Variants in KCTD16 observed in about 807,000 individuals in gnomAD.
The protein encoded by KCTD16 is BTB/POZ domain-containing protein KCTD16.
KCTD16 carries 13 observed loss-of-function variants against 33.2 expected under a neutral mutation model. The observed-to-expected ratio is 0.39, with a 90% CI of 0.25 to 0.62. The LOEUF is 0.62. Ranked by LOEUF, KCTD16 falls within the 20% of genes least tolerant of loss-of-function variation. The pLI, the probability that KCTD16 is intolerant of heterozygous loss-of-function variation, is 0.50. For synonymous variants in KCTD16, 197 were observed against 195.3 expected (o/e 1.01, Z -0.07); for missense variants, 441 against 525.1 (o/e 0.84, Z 1.57).
intron 3 of KCTD16, among the ~76,000 whole-genome samples, chr5:144,339,212 C>G (rs1752567024): frequency 6.6e-6 from 1 of 152,158 alleles, no homozygotes. Context: ...AAAGCAAGTG[C>G]CAATTTTATT....
intron 3 of KCTD16, among the ~76,000 whole-genome samples, chr5:144,448,953 C>T (rs529801521): frequency 4.6e-5 from 7 of 152,120 alleles, no homozygotes; most frequent in Admixed American, 4.6e-4. Flanking sequence ...TTCATCTTCA[C>T]AGTTGTGGAA....
At chr5:144,216,102 A>G (rs1753555153) in intron 3 of KCTD16, among the ~76,000 whole-genome samples, 1 of 152,202 alleles carries the variant, frequency 6.6e-6, no homozygotes, top group South Asian at 2.1e-4. Flanking sequence ...TAAGAATACA[A>G]CTTAAATTGT....
At chr5:144,450,190 A>G (rs1220675810) in intron 3 of KCTD16, among the ~76,000 whole-genome samples, 1 of 152,080 alleles carries the variant, frequency 6.6e-6, no homozygotes, top group African/African-American at 2.4e-5. Flanking sequence ...CACCGGGTAT[A>G]TAAAAAGGCA....
chr5:144,295,803 T>C (rs142064677), intron 3 of KCTD16, among the ~76,000 whole-genome samples: 319 of 152,268 alleles, frequency 2.1e-3, no homozygotes, highest in African/African-American at 7.4e-3. Context: ...TGGCATCAGA[T>C]AGATATAAGT....
intron 3 of KCTD16, among the ~76,000 whole-genome samples, chr5:144,288,651 A>G (rs1378711088): frequency 6.6e-6 from 1 of 152,214 alleles, no homozygotes; most frequent in African/African-American, 2.4e-5. Context: ...TTATTTCTGC[A>G]GTAAGTTACA....
intron 3 of KCTD16, among the ~76,000 whole-genome samples, chr5:144,437,132 A>G (rs1393951473): frequency 6.6e-6 from 1 of 152,146 alleles, no homozygotes; most frequent in Non-Finnish European, 1.5e-5. Flanking sequence ...CACAGGTATG[A>G]TCTGACTCAG....
At chr5:144,335,046 C>G (rs761906761) in intron 3 of KCTD16, among the ~76,000 whole-genome samples, 30 of 152,034 alleles carry the variant, frequency 2.0e-4, no homozygotes, top group Non-Finnish European at 3.8e-4. Context: ...TTCCAAAGTT[C>G]TGGGATTACA....
chr5:144,230,715 A>G (rs1256624642), intron 3 of KCTD16, among the ~76,000 whole-genome samples: 2 of 152,220 alleles, frequency 1.3e-5, no homozygotes, highest in Non-Finnish European at 2.9e-5. Context: ...GTATGAATAT[A>G]TGGAACACTT....
rs187845013 is a variant in KCTD16, at chr5:144,249,019, T to A, written c.832+41473T>A. Among the ~76,000 whole-genome samples, 446 of 152,292 alleles carry A rather than the reference T, an allele frequency of 2.9e-3. 2 individuals are homozygous for A. Among genetic ancestry groups the A allele is most frequent in the Admixed American group, 6.6e-3 (101 of 15,290 alleles). On this transcript the variant is annotated intron_variant, in intron 3 of 3. Transcript: ENST00000512467. ...GAAATCAGATCGAGTCACTCTCTCC[T>A]TAAAGCTATCCAATGGCTTCCCTCT...
At chr5:144,322,268 A>G (rs1472979039) in intron 3 of KCTD16, among the ~76,000 whole-genome samples, 5 of 152,172 alleles carry the variant, frequency 3.3e-5, no homozygotes. Context: ...CCCCAAGTCT[A>G]TGAGGGAACC....
intron 3 of KCTD16, among the ~76,000 whole-genome samples, chr5:144,361,906 TTGTGTGTGTG>T (rs3996310): frequency 3.1e-3 from 453 of 143,990 alleles, no homozygotes; most frequent in Middle Eastern, 7.0e-3. Context: ...TGGTGTTATT[TTGTGTGTGTG>T]TGTGTGTGTG....
At chr5:144,241,226 A>C (rs1215994141) in intron 3 of KCTD16, among the ~76,000 whole-genome samples, 1 of 152,174 alleles carries the variant, frequency 6.6e-6, no homozygotes, top group Non-Finnish European at 1.5e-5. Flanking sequence ...TACGTGAGTA[A>C]AAAACACTCC....
chr5:144,383,640 T>A (rs1229583242), intron 3 of KCTD16, among the ~76,000 whole-genome samples: 1 of 152,112 alleles, frequency 6.6e-6, no homozygotes, highest in Non-Finnish European at 1.5e-5. Flanking sequence ...TCAGGAGATT[T>A]TTTTTTTTCT....
chr5:144,245,342 A>G (rs1754520418), intron 3 of KCTD16, among the ~76,000 whole-genome samples: 1 of 152,238 alleles, frequency 6.6e-6, no homozygotes, highest in African/African-American at 2.4e-5. Context: ...GTTTAACCTC[A>G]TCAGAGAAGT....
intron 2 of KCTD16, among the ~76,000 whole-genome samples, chr5:144,178,472 T>G (rs2126771916): frequency 6.6e-6 from 1 of 152,290 alleles, no homozygotes; most frequent in African/African-American, 2.4e-5. Context: ...ATGTCTGATT[T>G]TAATTAAATT....
intron 3 of KCTD16, among the ~76,000 whole-genome samples, chr5:144,258,911 T>G (rs966430900): frequency 6.6e-6 from 1 of 151,986 alleles, no homozygotes; most frequent in African/African-American, 2.4e-5. Context: ...TGTCTCAAAA[T>G]CCTACTTTCT....
chr5:144,178,820 A>T (rs1752560586), intron 2 of KCTD16, among the ~76,000 whole-genome samples: 1 of 152,202 alleles, frequency 6.6e-6, no homozygotes, highest in South Asian at 2.1e-4. Flanking sequence ...ATTATAATAC[A>T]CTACATCCCC....
At chr5:144,178,386 A>G (rs557264484) in intron 2 of KCTD16, among the ~76,000 whole-genome samples, 1 of 152,288 alleles carries the variant, frequency 6.6e-6, no homozygotes, top group Non-Finnish European at 1.5e-5. Context: ...TTTTGTTATT[A>G]AGACTAATTA....
At chr5:144,343,169 G>T (rs1338970889) in intron 3 of KCTD16, among the ~76,000 whole-genome samples, 2 of 152,126 alleles carry the variant, frequency 1.3e-5, no homozygotes, top group Non-Finnish European at 2.9e-5. Context: ...GTTCCTCCTT[G>T]TACCTCTGGT....
Sources: gnomAD v4.1 joint callset for allele counts (sites outside exome capture counted in the v4.1 genomes callset) on GRCh38, gnomAD v4.1.1 for gene constraint, MANE v1.5 for transcripts, NCBI Gene and HGNC (gene_info 2026-07-23, HGNC 2026-07-21) for gene names.